Variants in PEX5L observed in about 807,000 individuals in gnomAD.
PEX5L encodes the protein peroxisomal biogenesis factor 5 like.
A neutral mutation model predicts 84.0 loss-of-function variants in PEX5L; 30 were observed. That is an observed-to-expected ratio of 0.36 (90% confidence interval 0.27 to 0.48). The LOEUF (loss-of-function observed/expected upper bound fraction) is 0.48, where lower values mean the gene tolerates loss of function less well. PEX5L is among the 20% of genes least tolerant of loss of function. The pLI, the probability that PEX5L is intolerant of heterozygous loss-of-function variation, is 0.99. For missense variants in PEX5L, 533 were observed against 754.6 expected (o/e 0.71, Z 3.44); for synonymous variants, 270 against 283.1 (o/e 0.95, Z 0.46).
chr3:179,859,106 G>A lies in PEX5L; in HGVS notation c.778C>T (p.His260Tyr), dbSNP rs747255910. Residue 260 changes from histidine (H) to tyrosine (Y), a missense_variant, in exon 8 of 15, where the codon CAC becomes TAC. By Grantham distance (83) the His-to-Tyr change is moderately conservative (BLOSUM62 2). Coordinates refer to ENST00000467460, the MANE Select transcript of PEX5L (RefSeq NM_016559.3). ...RWGSALLSRN[H>Y]SLEEEFERAK... is the part of the protein sequence containing the mutation. Reference sequence around the variant, plus strand: ...CTTTCAAACTCTTCTTCTAAGGAGTGGTTTCTAGAAAGTAATGCGCTTCCC... The same window carrying A: ...CTTTCAAACTCTTCTTCTAAGGAGTAGTTTCTAGAAAGTAATGCGCTTCCC... 6.2e-7 allele frequency: 1 copy of A among 1,614,020 alleles called. No homozygotes were observed. Among genetic ancestry groups the A allele is most frequent in the Non-Finnish European group, 8.5e-7 (1 of 1,179,900 alleles).
chr3:179,901,248 G>A (rs979432610), intron 2 of PEX5L, among the ~76,000 whole-genome samples: 4 of 148,100 alleles, frequency 2.7e-5, no homozygotes, highest in African/African-American at 1.0e-4. Flanking sequence ...CAAAAACATT[G>A]TAAGATATAT....
rs1303783731 is a variant in PEX5L, at chr3:179,819,941, T to C, written c.858A>G (p.Glu286=). The C allele has an allele frequency of 5.0e-6, 8 of 1,613,396 alleles. No individual in the cohort carries two copies. Among genetic ancestry groups the C allele is most frequent in the Non-Finnish European group, 6.8e-6 (8 of 1,179,508 alleles). The change falls in exon 9 of 15, where the codon GAA becomes GAG. Residue 286 remains glutamate (E), a synonymous_variant. Coordinates refer to ENST00000467460, the MANE Select transcript of PEX5L (RefSeq NM_016559.3). The part of the protein sequence containing the change: ...DTEFWDKMQA[E]WEEMARRNWI... ...AGTTCCTCCGAGCCATTTCTTCCCATTCTGCTTGCATCTTATCCCAAAACT... is the reference window on the plus strand; with the variant it reads ...AGTTCCTCCGAGCCATTTCTTCCCACTCTGCTTGCATCTTATCCCAAAACT...
At chr3:179,975,118 G>A (rs1478996561) in intron 1 of PEX5L, among the ~76,000 whole-genome samples, 1 of 152,146 alleles carries the variant, frequency 6.6e-6, no homozygotes, top group Non-Finnish European at 1.5e-5. Flanking sequence ...GAGTGCAAGA[G>A]TTTGAGGCTG....
At chr3:180,010,246 C>CTTTTTTTTTTTTTTTT (rs1178375452) in intron 1 of PEX5L, among the ~76,000 whole-genome samples, 1,108 of 105,052 alleles carry the variant, frequency 0.011, 87 homozygotes, top group African/African-American at 0.017. Flanking sequence ...CACCCGGCCT[C>CTTTTTTTTTTTTTTTT]TTTTTTTTTT....
chr3:180,017,626 ATATAAT>A (rs1162579469), intron 1 of PEX5L, among the ~76,000 whole-genome samples: 1 of 151,932 alleles, frequency 6.6e-6, no homozygotes, highest in Non-Finnish European at 1.5e-5. Context: ...TATACTTTAT[ATATAAT>A]TATATTTCCT....
intron 1 of PEX5L, among the ~76,000 whole-genome samples, chr3:180,010,260 TTTTTTTC>T (rs1470916825): frequency 1.1e-4 from 16 of 143,400 alleles, no homozygotes; most frequent in African/African-American, 4.1e-4. Context: ...TTTTTTTTTT[TTTTTTTC>T]TGTAGAGATG....
chr3:179,872,531 AT>A (rs1373603117), intron 7 of PEX5L, among the ~76,000 whole-genome samples: 2 of 152,180 alleles, frequency 1.3e-5, no homozygotes, highest in Admixed American at 1.3e-4. Flanking sequence ...TTTCTAAAGT[AT>A]TTTGTCTTTG....
intron 1 of PEX5L, among the ~76,000 whole-genome samples, chr3:179,995,369 TG>T (rs139377565): frequency 0.21 from 32,572 of 151,596 alleles, 4,523 homozygotes; most frequent in Non-Finnish European, 0.31. Flanking sequence ...TGGTTGGTTT[TG>T]GGGTTTCTGG....
chr3:179,879,836 G>T (rs1577977181), intron 5 of PEX5L, 93 bp downstream of exon 5: 1 of 864,970 alleles, frequency 1.2e-6, no homozygotes, highest in Non-Finnish European at 1.8e-6. Context: ...CTACTCCTTT[G>T]TTCTCTGTTT....
intron 2 of PEX5L, among the ~76,000 whole-genome samples, chr3:179,925,891 A>C (rs1414938052): frequency 2.0e-5 from 3 of 152,066 alleles, no homozygotes; most frequent in Admixed American, 1.3e-4. Context: ...TCAGCATCAC[A>C]AGGTTTCTGA....
intron 2 of PEX5L, chr3:179,900,743 GA>G: frequency 6.5e-7 from 1 of 1,533,396 alleles, no homozygotes; most frequent in Non-Finnish European, 8.7e-7. Context: ...TACCTGAAAA[GA>G]GTCATGACAC....
At chr3:179,971,916 T>C (rs912393176) in intron 1 of PEX5L, among the ~76,000 whole-genome samples, 1 of 152,174 alleles carries the variant, frequency 6.6e-6, no homozygotes, top group Non-Finnish European at 1.5e-5. Context: ...TCAATATTCT[T>C]ATGCTTCTCT....
chr3:179,894,278 A>G (rs949949987), intron 3 of PEX5L, among the ~76,000 whole-genome samples: 3 of 152,138 alleles, frequency 2.0e-5, no homozygotes, highest in African/African-American at 7.2e-5. Flanking sequence ...CTAAATCATT[A>G]CCATGCAACC....
At chr3:179,981,902 G>C (rs1451070431) in intron 1 of PEX5L, among the ~76,000 whole-genome samples, 1 of 152,112 alleles carries the variant, frequency 6.6e-6, no homozygotes, top group Non-Finnish European at 1.5e-5. Flanking sequence ...TTTTTGGACA[G>C]CAACAACAGG....
chr3:179,995,706 T>C (rs1240109885), intron 1 of PEX5L, among the ~76,000 whole-genome samples: 3 of 152,168 alleles, frequency 2.0e-5, no homozygotes, highest in African/African-American at 2.4e-5. Context: ...TCTACTAAGA[T>C]TGCCCTGACT....
chr3:179,932,971 C>A (rs1334423972), intron 2 of PEX5L, among the ~76,000 whole-genome samples: 1 of 152,088 alleles, frequency 6.6e-6, no homozygotes, highest in African/African-American at 2.4e-5. Flanking sequence ...TCCTAAATAA[C>A]TGAAATTTTG....
intron 8 of PEX5L, among the ~76,000 whole-genome samples, chr3:179,842,692 G>A (rs941051658): frequency 5.9e-5 from 9 of 152,078 alleles, no homozygotes; most frequent in African/African-American, 1.9e-4. Context: ...AAGAGTGATA[G>A]AGAAAAATCT....
At position 179,906,712 on chromosome 3, in the gene PEX5L, A is replaced by AT. The variant is rs372045902; in HGVS notation, c.94-8467dup. Among the ~76,000 whole-genome samples, 930 of 151,980 alleles carry AT rather than the reference A, an allele frequency of 6.1e-3. 12 individuals carry two copies. The highest frequency in any genetic ancestry group is 0.031 in the East Asian group (158 of 5,174). ...TATCTCAGATCATTTGCAAACAGGC[A>AT]TTTTTTTTGGTGTTATTTTTAAGTA... On this transcript the variant is annotated intron_variant, in intron 2 of 14. Coordinates refer to ENST00000467460, the MANE Select transcript of PEX5L (RefSeq NM_016559.3).
Position 179,815,938 on chromosome 3 carries a change from T to C in PEX5L, c.1006A>G (p.Arg336Gly), listed in dbSNP as rs1725902054. Residue 336 changes from arginine to glycine, a missense_variant, in exon 10 of 15, where the codon AGG (arginine) becomes GGG (glycine). Coordinates refer to ENST00000467460, the MANE Select transcript of PEX5L (RefSeq NM_016559.3). ...WPGAFEEGLK[R>G]LKEGDLPVTI... Reference sequence around the variant, plus strand: ...ACTGGCAGATCCCCTTCCTTCAGCCTTTTTAAGCCTTCTTCAAATGCTCCA... The same window carrying C: ...ACTGGCAGATCCCCTTCCTTCAGCCCTTTTAAGCCTTCTTCAAATGCTCCA... 12 of 1,614,036 alleles carry C rather than the reference T, an allele frequency of 7.4e-6. No individual in the cohort carries two copies. Among genetic ancestry groups the C allele is most frequent in the Non-Finnish European group, 8.5e-6 (10 of 1,179,878 alleles).
Sources: gnomAD v4.1 joint callset for allele counts (sites outside exome capture counted in the v4.1 genomes callset) on GRCh38, gnomAD v4.1.1 for gene constraint, MANE v1.5 for transcripts, NCBI Gene and HGNC (gene_info 2026-07-23, HGNC 2026-07-21) for gene names.